The following RUNX2 variants were observed in gnomAD, a reference collection of about 807,000 sequenced individuals.
The protein encoded by RUNX2 is RUNX family transcription factor 2.
A neutral mutation model predicts 51.7 loss-of-function variants in RUNX2; 10 were observed. The ratio of observed to expected loss-of-function variants is 0.19; its 90% confidence interval spans 0.12 to 0.33. RUNX2 has a LOEUF of 0.33. RUNX2 is among the 10% of genes least tolerant of loss of function. The pLI is 1.00. For synonymous variants in RUNX2, 276 were observed against 273.6 expected, an observed-to-expected ratio of 1.01 and a Z score of -0.09; for missense variants, 562 against 691.3, an observed-to-expected ratio of 0.81 and a Z score of 2.10.
At position 45,422,581 on chromosome 6, in the gene RUNX2, G is replaced by A. The variant is rs756867284; in HGVS notation, c.59-12G>A. On this transcript the variant is annotated splice_polypyrimidine_tract_variant and intron_variant, in intron 2 of 8. Transcript: ENST00000647337. ...CGCTAACTTGTGGCTGTTGTGATGCGTATTCCCGTAGATCCGAGCACCAGC... is the reference window on the plus strand; with the variant it reads ...CGCTAACTTGTGGCTGTTGTGATGCATATTCCCGTAGATCCGAGCACCAGC... 31 of 1,595,576 alleles carry A rather than the reference G, an allele frequency of 1.9e-5. No individual in the cohort carries two copies. The highest frequency in any genetic ancestry group is 2.5e-5 in the Non-Finnish European group (29 of 1,173,210).
chr6:45,490,794 G>A (rs1463902005), intron 5 of RUNX2, among the ~76,000 whole-genome samples: 1 of 152,056 alleles, frequency 6.6e-6, no homozygotes, highest in African/African-American at 2.4e-5. Flanking sequence ...CATCTTGGTG[G>A]TTCTTCCTCG....
chr6:45,442,037 C>T (rs1265292457), intron 5 of RUNX2, among the ~76,000 whole-genome samples: 3 of 152,310 alleles, frequency 2.0e-5, no homozygotes, highest in African/African-American at 7.2e-5. Flanking sequence ...ATGATCATCA[C>T]TCATTACAAG....
chr6:45,413,778 A>G (rs1798005291), intron 2 of RUNX2, among the ~76,000 whole-genome samples: 1 of 152,030 alleles, frequency 6.6e-6, no homozygotes, highest in African/African-American at 2.4e-5. Context: ...TGCAATTTGT[A>G]CTTATATTTA....
At chr6:45,433,354 C>T (rs575102348) in intron 4 of RUNX2, among the ~76,000 whole-genome samples, 32 of 152,188 alleles carry the variant, frequency 2.1e-4, no homozygotes, top group Middle Eastern at 3.4e-3. Context: ...ATTCATTCTT[C>T]CTTTTTCTCA....
intron 2 of RUNX2, among the ~76,000 whole-genome samples, chr6:45,420,553 C>T (rs562613788): frequency 1.3e-5 from 2 of 152,338 alleles, no homozygotes; most frequent in Middle Eastern, 3.4e-3. Flanking sequence ...CATTCTAATT[C>T]TTCATTTATT....
chr6:45,406,414 T>C (rs1366666368), intron 2 of RUNX2, among the ~76,000 whole-genome samples: 8 of 152,176 alleles, frequency 5.3e-5, no homozygotes, highest in Admixed American at 5.2e-4. Context: ...TATTTAATAT[T>C]CTTTTTATAG....
At chr6:45,345,431 TC>T (rs1329434351) in intron 2 of RUNX2, among the ~76,000 whole-genome samples, 2 of 152,146 alleles carry the variant, frequency 1.3e-5, no homozygotes, top group African/African-American at 4.8e-5. Context: ...CATTTTTTAA[TC>T]CTTTAGTATT....
chr6:45,540,348 C>G (rs1250637558), intron 7 of RUNX2, among the ~76,000 whole-genome samples: 1 of 152,140 alleles, frequency 6.6e-6, no homozygotes, highest in East Asian at 1.9e-4. Flanking sequence ...TTTCCCTTTT[C>G]ATGTGTGTTT....
chr6:45,341,643 A>C (rs1233098698), intron 2 of RUNX2, among the ~76,000 whole-genome samples: 1 of 152,206 alleles, frequency 6.6e-6, no homozygotes, highest in African/African-American at 2.4e-5. Flanking sequence ...CGAGGTAACA[A>C]AAAGAAAGGA....
chr6:45,393,897 G>T (rs1439217348), intron 2 of RUNX2, among the ~76,000 whole-genome samples: 2 of 151,656 alleles, frequency 1.3e-5, no homozygotes, highest in African/African-American at 2.4e-5. Flanking sequence ...AGCAGGAGTA[G>T]GGTTGGGGTT....
intron 7 of RUNX2, among the ~76,000 whole-genome samples, chr6:45,532,925 T>C (rs547702252): frequency 2.0e-4 from 25 of 123,108 alleles, no homozygotes; most frequent in South Asian, 9.8e-4. Context: ...TTTTTTTTTT[T>C]CACGGTCATC....
intron 5 of RUNX2, among the ~76,000 whole-genome samples, chr6:45,442,986 C>T (rs1031387476): frequency 4.9e-5 from 7 of 142,616 alleles, no homozygotes; most frequent in African/African-American, 1.8e-4. Context: ...TCTCACATGG[C>T]GGCAGCTCAG....
intron 2 of RUNX2, among the ~76,000 whole-genome samples, chr6:45,389,839 G>A (rs569359942): frequency 2.0e-5 from 3 of 151,974 alleles, no homozygotes; most frequent in South Asian, 2.1e-4. Context: ...GTGAAACCAC[G>A]TCTCTACTAA....
intron 7 of RUNX2, among the ~76,000 whole-genome samples, chr6:45,537,049 A>G (rs767619396): frequency 1.3e-5 from 2 of 152,194 alleles, no homozygotes; most frequent in Non-Finnish European, 2.9e-5. Context: ...ATGCCCTTTT[A>G]GGATGGAAAT....
intron 3 of RUNX2, among the ~76,000 whole-genome samples, chr6:45,430,283 A>T (rs1264047488): frequency 1.3e-5 from 2 of 152,106 alleles, no homozygotes; most frequent in Non-Finnish European, 2.9e-5. Flanking sequence ...GTCATAGACC[A>T]TTAATATTAA....
At position 45,422,759 on chromosome 6, in the gene RUNX2, G is replaced by T. The variant is rs1563079162; in HGVS notation, c.225G>T (p.Ala75=). ...AGCAGCAGCAGCAGGAGGCGGCGGC[G>T]GCGGCTGCGGCGGCGGCGGCGGCTG... ...QQQQQQQEAA[A]AAAAAAAAAA... The change falls in exon 3 of 9, where the codon GCG becomes GCT. Residue 75 remains alanine, a synonymous_variant. Transcript: ENST00000647337. The T allele has an allele frequency of 1.5e-6, 2 of 1,325,934 alleles. No homozygotes were observed. Among genetic ancestry groups the T allele is most frequent in the Non-Finnish European group, 1.0e-6 (1 of 986,048 alleles). 82.1% of individuals were successfully genotyped at this position (1,325,934 alleles called of 1,614,324 possible).
intron 5 of RUNX2, among the ~76,000 whole-genome samples, chr6:45,446,215 G>A (rs1026721698): frequency 1.3e-5 from 2 of 152,200 alleles, no homozygotes; most frequent in African/African-American, 4.8e-5. Flanking sequence ...CTCTGAATAT[G>A]CGTTTTCATT....
intron 2 of RUNX2, among the ~76,000 whole-genome samples, chr6:45,409,353 A>G (rs1797903248): frequency 2.6e-5 from 4 of 152,164 alleles, no homozygotes. Flanking sequence ...AAAACCTTCC[A>G]TTCAGGACAA....
intron 2 of RUNX2, among the ~76,000 whole-genome samples, chr6:45,404,259 C>CAAAAAAAAAAA (rs34529128): frequency 5.1e-4 from 14 of 27,456 alleles, no homozygotes; most frequent in Non-Finnish European, 7.3e-4. Flanking sequence ...GACTCTGTCT[C>CAAAAAAAAAAA]AAAAAAAAAA....
Sources: allele counts gnomAD v4.1 joint callset (sites outside exome capture counted in the v4.1 genomes callset), GRCh38; gene constraint gnomAD v4.1.1; transcripts MANE v1.5; gene names NCBI Gene and HGNC (gene_info 2026-07-23, HGNC 2026-07-21).